The following BBS2 variants were observed in gnomAD, a reference collection of about 807,000 sequenced individuals.
BBS2 encodes BBSome complex member BBS2.
Under a neutral mutation model 83.0 loss-of-function variants are expected in BBS2, and 62 were observed. The ratio of observed to expected loss-of-function variants is 0.75; its 90% CI spans 0.61 to 0.92. The LOEUF (loss-of-function observed/expected upper bound fraction) is 0.92, where lower values mean the gene tolerates loss of function less well. Ranked by LOEUF, BBS2 falls within the 40% of genes least tolerant of loss-of-function variation. The pLI, the probability that BBS2 is intolerant of heterozygous loss-of-function variation, is 0.00. For synonymous variants in BBS2, 303 were observed against 326.1 expected (o/e 0.93, Z 0.76); for missense variants, 784 against 901.0 (o/e 0.87, Z 1.66).
rs1597030936 is a variant in BBS2, at chr16:56,517,891, C to T, written c.117+1855G>A. Among the ~76,000 whole-genome samples the T allele has an allele frequency of 3.3e-5, 5 of 151,570 alleles. 1 individual carries two copies. The highest frequency in any genetic ancestry group is 3.3e-4 in the Admixed American group (5 of 15,194). ...CTGGAGTGCAATGGCACGGTCTCGG[C>T]TCCCTGCAACCTCCACCTCCTAGGT... On this transcript the variant is annotated intron_variant, in intron 1 of 16. Coordinates refer to ENST00000245157, the MANE Select transcript of BBS2 (RefSeq NM_031885.5).
intron 17 of BBS2, chr16:56,475,992 ATT>A (rs1963454050): frequency 6.6e-7 from 1 of 1,507,194 alleles, no homozygotes; most frequent in Non-Finnish European, 9.1e-7. Flanking sequence ...ATCATCCAAG[ATT>A]TGAGAATAAG....
chr16:56,482,155 T>C (rs1963673108), downstream of BBS2, among the ~76,000 whole-genome samples: 1 of 152,170 alleles, frequency 6.6e-6, no homozygotes, highest in African/African-American at 2.4e-5. Flanking sequence ...TAAAAATGAA[T>C]GGCATTATAT....
rs1964673122 is a variant in BBS2 at position 56,514,437 on chromosome 16, TA to T, written c.345+15del. ...ATGAGTAATGACAATTTTATGGTTA[TA>T]AAGGTTATACTTGCCTCTCTGTAGA... On this transcript the variant is annotated intron_variant, in intron 2 of 16. Transcript: ENST00000245157. 1 of 1,605,672 alleles carries T rather than the reference TA, an allele frequency of 6.2e-7. No homozygotes were observed.
chr16:56,499,919 C>T lies in BBS2; in HGVS notation c.1398-12G>A. 6 of 1,613,566 alleles carry T rather than the reference C, an allele frequency of 3.7e-6. No homozygotes were observed. The highest frequency in any genetic ancestry group is 5.1e-6 in the Non-Finnish European group (6 of 1,179,740). ...CATGAAACTGGGTGCTATGGCCAAT[C>T]AATGAAACACAAGAGAATTGTTTTG... On this transcript the variant is annotated splice_polypyrimidine_tract_variant and intron_variant, in intron 11 of 16. Transcript: ENST00000245157.
chr16:56,495,760 GTATA>G (rs1291822389), intron 15 of BBS2, among the ~76,000 whole-genome samples: 2 of 119,718 alleles, frequency 1.7e-5, no homozygotes, highest in African/African-American at 7.9e-5. Flanking sequence ...ACAGACGTGT[GTATA>G]TATGTGTGTG....
In BBS2 at chr16:56,511,271, G is replaced by C; in HGVS notation, c.359C>G (p.Ala120Gly). The change falls in exon 3 of 17, where the codon GCA becomes GGA. Residue 120 changes from alanine to glycine, a missense_variant. Coordinates refer to ENST00000245157, the MANE Select transcript of BBS2 (RefSeq NM_031885.5). ...CAATGTCCCCAGCACAATTGCATTT[G>C]CCCCATCTGCTACCTAAGAAAAGTA... ...DLFYREVADG[A>G]NAIVLGTLGD... 6.2e-7 allele frequency: 1 copy of C among 1,613,980 alleles called. No homozygotes were observed.
Position 56,485,656 on chromosome 16 carries a change from GATTGTT to G in BBS2, c.1987_1992del (p.Asn663_Asn664del). 1 of 1,614,084 alleles carries G rather than the reference GATTGTT, an allele frequency of 6.2e-7. No homozygotes were observed. The highest frequency in any genetic ancestry group is 8.5e-7 in the Non-Finnish European group (1 of 1,179,974). ...TTGAGGTTTCCCAACAGCTCTGTGT[GATTGTT>G]ACAGCGAATTTTATATCCATTTAGC... is the stretch of plus-strand genomic sequence containing the variant. On this transcript the variant is annotated inframe_deletion, in exon 16 of 17. Coordinates refer to ENST00000245157, the MANE Select transcript of BBS2 (RefSeq NM_031885.5).
chr16:56,511,170 G>GATCA lies in BBS2; in HGVS notation c.456_459dup (p.Leu154Ter). On this transcript the variant is annotated stop_gained and frameshift_variant, in exon 3 of 17. Coordinates refer to ENST00000245157, the MANE Select transcript of BBS2 (RefSeq NM_031885.5). LOFTEE classifies it high-confidence loss of function. ...TTTCTTCTTCATACCGTCCAAAAGA[G>GATCA]ATCACTTCCTTCATGATTGAAACCT... is the stretch of plus-strand genomic sequence containing the variant. 1 of 1,614,046 alleles carries GATCA rather than the reference G, an allele frequency of 6.2e-7. No individual in the cohort carries two copies.
chr16:56,472,433 AAG>A (rs1300508874), intron 17 of BBS2, among the ~76,000 whole-genome samples: 1 of 152,210 alleles, frequency 6.6e-6, no homozygotes, highest in African/African-American at 2.4e-5. Context: ...ACAAAAGTGA[AAG>A]AGAAAAGTCA....
chr16:56,487,410 T>TA (rs1963814301), intron 15 of BBS2, among the ~76,000 whole-genome samples: 1 of 152,100 alleles, frequency 6.6e-6, no homozygotes, highest in Non-Finnish European at 1.5e-5. Flanking sequence ...AATCAACAGA[T>TA]AAAAATCAGT....
intron 17 of BBS2, chr16:56,470,837 CCATT>C (rs778611246): frequency 5.5e-5 from 82 of 1,478,338 alleles, no homozygotes; most frequent in Non-Finnish European, 1.4e-5. Context: ...TAACCATTCA[CCATT>C]CAAACATGTA....
rs1363798416 is a variant in BBS2, at chr16:56,485,669, A to C, written c.1980T>G (p.Ile660Met). Reference protein sequence around the residue: ...LNRDLLNGYKIRCNNHTELLG... With the variant: ...LNRDLLNGYKMRCNNHTELLG... ...ACAGCTCTGTGTGATTGTTACAGCGAATTTTATATCCATTTAGCAAGTCTC... is the reference window on the plus strand; with the variant it reads ...ACAGCTCTGTGTGATTGTTACAGCGCATTTTATATCCATTTAGCAAGTCTC... The change falls in exon 16 of 17, where the codon ATT (isoleucine) becomes ATG (methionine). Residue 660 changes from isoleucine to methionine, a missense_variant. Physicochemically the swap from Ile to Met is conservative, Grantham distance 10. Coordinates refer to ENST00000245157, the MANE Select transcript of BBS2 (RefSeq NM_031885.5). 6.2e-7 allele frequency: 1 copy of C among 1,614,072 alleles called. No homozygotes were observed. Among genetic ancestry groups the C allele is most frequent in the South Asian group, 1.1e-5 (1 of 91,080 alleles).
At chr16:56,488,524 G>A (rs550883394) in intron 15 of BBS2, among the ~76,000 whole-genome samples, 12 of 152,070 alleles carry the variant, frequency 7.9e-5, no homozygotes, top group African/African-American at 1.7e-4. Context: ...TGCATAGAAC[G>A]AAGTATTAGG....
rs768053787 is a variant in BBS2 at position 56,501,363 on chromosome 16, G to A, written c.1215C>T (p.Ser405=). The A allele has an allele frequency of 7.4e-6, 12 of 1,613,906 alleles. No individual in the cohort carries two copies. The Admixed American group carries it at 1.5e-4, about 20-fold the overall frequency. ...TGAGTACTGTCTTACCATTAGAAGTGGAAATGCGTAATTCTGTATGAGCAG... is the reference window on the plus strand; with the variant it reads ...TGAGTACTGTCTTACCATTAGAAGTAGAAATGCGTAATTCTGTATGAGCAG... ...TQTAHTELRI[S]TSNDTIIRAV... Residue 405 remains serine (S), a synonymous_variant, in exon 10 of 17, where the codon TCC becomes TCT. Coordinates refer to ENST00000245157, the MANE Select transcript of BBS2 (RefSeq NM_031885.5).
At chr16:56,481,313 A>T (rs1416116944), downstream of BBS2, among the ~76,000 whole-genome samples, 1 of 152,034 alleles carries the variant, frequency 6.6e-6, no homozygotes, top group African/African-American at 2.4e-5. Flanking sequence ...CACTGGGGCG[A>T]GGGTGACGCT....
chr16:56,492,722 C>T (rs901143563), intron 15 of BBS2, among the ~76,000 whole-genome samples: 1 of 152,042 alleles, frequency 6.6e-6, no homozygotes, highest in African/African-American at 2.4e-5. Context: ...CTGGAGTATG[C>T]CCACAAACTC....
chr16:56,484,010 T>A (rs1403484482), downstream of BBS2, among the ~76,000 whole-genome samples: 2 of 139,906 alleles, frequency 1.4e-5, no homozygotes, highest in Non-Finnish European at 3.0e-5. Context: ...CCAAATATTT[T>A]TTTTTTTTTT....
At chr16:56,480,376 A>AACAAAAAAAAAAC (rs1555519804), downstream of BBS2, among the ~76,000 whole-genome samples, 1 of 142,402 alleles carries the variant, frequency 7.0e-6, no homozygotes, top group East Asian at 2.0e-4. Flanking sequence ...CAAAAAAAAA[A>AACAAAAAAAAAAC]ACAAAGCTTG....
chr16:56,506,212 G>T lies in BBS2; in HGVS notation c.625C>A (p.Leu209Ile). The T allele has an allele frequency of 6.2e-7, 1 of 1,613,500 alleles. No individual in the cohort carries two copies. The change falls in exon 6 of 17, where the codon CTT becomes ATT. Residue 209 changes from leucine to isoleucine, a missense_variant. By Grantham distance (5) the Leu-to-Ile change is conservative. Coordinates refer to ENST00000245157, the MANE Select transcript of BBS2 (RefSeq NM_031885.5). ...EMTETEIVTS[L>I]CPMYGSRFGY... is the part of the protein sequence containing the mutation. Reference sequence around the variant, plus strand: ...AATCGACTGCCATACATGGGACAAAGAGAGGTGACTATCTGCAAAACAATC... The same window carrying T: ...AATCGACTGCCATACATGGGACAAATAGAGGTGACTATCTGCAAAACAATC...
Sources: allele counts gnomAD v4.1 joint callset (sites outside exome capture counted in the v4.1 genomes callset), GRCh38; gene constraint gnomAD v4.1.1; transcripts MANE v1.5; gene names NCBI Gene and HGNC (gene_info 2026-07-23, HGNC 2026-07-21).